Variants in SHANK1 observed in about 807,000 individuals in gnomAD.
The protein encoded by SHANK1 is SH3 and multiple ankyrin repeat domains protein 1.
SHANK1 carries 35 observed loss-of-function variants against 165.6 expected under a neutral mutation model. The observed-to-expected ratio is 0.21, with a 90% CI of 0.16 to 0.28. SHANK1 has a LOEUF of 0.28. Ranked by LOEUF, SHANK1 falls within the 10% of genes least tolerant of loss-of-function variation. SHANK1 has a pLI of 1.00. For missense variants in SHANK1, 2,681 were observed against 3,036.4 expected (o/e 0.88, Z 2.75); for synonymous variants, 1,428 against 1,384.8 (o/e 1.03, Z -0.69).
intron 21 of SHANK1, among the ~76,000 whole-genome samples, chr19:50,672,905 A>G (rs1018458137): frequency 1.3e-5 from 2 of 151,784 alleles, no homozygotes; most frequent in African/African-American, 2.4e-5. Context: ...CAAACTCCCA[A>G]CTCTGGTCTA....
chr19:50,679,166 T>G (rs1599848620), intron 21 of SHANK1, among the ~76,000 whole-genome samples: 2 of 66,680 alleles, frequency 3.0e-5, no homozygotes, highest in Admixed American at 2.1e-4. Context: ...AGGTAAGGGG[T>G]GAGGGTGATG....
chr19:50,672,421 G>A (rs974374559), intron 21 of SHANK1, among the ~76,000 whole-genome samples: 7 of 151,898 alleles, frequency 4.6e-5, no homozygotes, highest in Admixed American at 3.3e-4. Context: ...GGTGGCAGGC[G>A]CCTGTAATCC....
chr19:50,695,343 AGGCGGGC>A (rs1986702848), intron 15 of SHANK1, among the ~76,000 whole-genome samples: 1 of 137,962 alleles, frequency 7.2e-6, no homozygotes, highest in Non-Finnish European at 1.6e-5. Flanking sequence ...ACAGCTCCGG[AGGCGGGC>A]GGCGGGCGCG....
Position 50,686,851 on chromosome 19 carries a change from C to T in SHANK1, c.2390-39G>A, listed in dbSNP as rs1986357078. 1.2e-6 allele frequency: 2 copies of T among 1,604,766 alleles called. No homozygotes were observed. The highest frequency in any genetic ancestry group is 1.7e-6 in the Non-Finnish European group (2 of 1,174,328). On this transcript the variant is annotated intron_variant, in intron 19 of 23. Transcript: ENST00000293441. The surrounding 1 kb of genome is among the most constrained non-coding windows in gnomAD (Gnocchi z 5.7). ...ACACGGATGACGCCCAGGGAGCCCC[C>T]GGGGGCGGGGCGGAGCGGGCTCGGC...
chr19:50,711,541 T>C lies in SHANK1; in HGVS notation c.961-54A>G, dbSNP rs73598657. ...GATCAGACCCAGGCTGTTCTCCCTC[T>C]GGGCCAAGAGTCTGTCTATGACCTG... On this transcript the variant is annotated intron_variant, in intron 7 of 23. Transcript: ENST00000293441. The C allele has an allele frequency of 8.8e-3, 11,596 of 1,324,462 alleles. 830 individuals are homozygous for C. In the African/African-American group the frequency reaches 0.15, roughly 17 times the overall value. 82.0% of individuals were successfully genotyped at this position (1,324,462 alleles called of 1,614,324 possible).
Position 50,672,110 on chromosome 19 carries a change from C to G in SHANK1, c.2582G>C (p.Ser861Thr), listed in dbSNP as rs759260286. 3.1e-6 allele frequency: 5 copies of G among 1,613,110 alleles called. No homozygotes were observed. Among genetic ancestry groups the G allele is most frequent in the Non-Finnish European group, 4.2e-6 (5 of 1,179,654 alleles). Residue 861 changes from serine to threonine, a missense_variant, in exon 22 of 24, where the codon AGC (serine) becomes ACC (threonine). Physicochemically the swap from Ser to Thr is moderately conservative, Grantham distance 58. Around this residue, in one of 10 missense-constraint regions of SHANK1, gnomAD observed 206 missense variants for 216.0 expected, o/e 0.95. Transcript: ENST00000293441. Reference sequence around the variant, plus strand: ...CTGGGCACGGTGGTGGGGATCGAAGCTCGACTTTGGAGCGGCAGTCAGAGG... The same window carrying G: ...CTGGGCACGGTGGTGGGGATCGAAGGTCGACTTTGGAGCGGCAGTCAGAGG... ...RPKGFFATESSFDPHHRAQPS... is the reference protein window; with the variant it reads ...RPKGFFATESTFDPHHRAQPS...
intron 21 of SHANK1, among the ~76,000 whole-genome samples, chr19:50,685,509 AG>A: frequency 6.6e-6 from 1 of 152,288 alleles, no homozygotes; most frequent in South Asian, 2.1e-4. Context: ...AGATCACTTG[AG>A]GCCAGGAGTT....
chr19:50,666,414 G>T lies in SHANK1; in HGVS notation c.5546C>A (p.Pro1849Gln). Residue 1849 changes from proline (P) to glutamine (Q), a missense_variant, in exon 23 of 24, where the codon CCA (proline) becomes CAA (glutamine). Physicochemically the swap from Pro to Gln is moderately conservative, Grantham distance 76. Coordinates refer to ENST00000293441, the MANE Select transcript of SHANK1 (RefSeq NM_016148.5). ...CTGGGCCAAGGGCCCGGGCAGAGGTGGTGGCGGTGGGCCCGGGCCCTCCTC... is the reference window on the plus strand; with the variant it reads ...CTGGGCCAAGGGCCCGGGCAGAGGTTGTGGCGGTGGGCCCGGGCCCTCCTC... ...PWEEGPGPPP[P>Q]PLPGPLAQPQ... 6.2e-7 allele frequency: 1 copy of T among 1,611,984 alleles called. No homozygotes were observed. The highest frequency in any genetic ancestry group is 1.1e-5 in the South Asian group (1 of 90,952).
rs1362825399 is a variant in SHANK1, at chr19:50,688,967, C to T, written c.2049G>A (p.Ala683=). 7 of 1,544,176 alleles carry T rather than the reference C, an allele frequency of 4.5e-6. No individual in the cohort carries two copies. Among genetic ancestry groups the T allele is most frequent in the African/African-American group, 1.4e-5 (1 of 72,842 alleles). The stretch of plus-strand genomic sequence containing the variant: ...GGGTGAACTCCTCGATGGGGGTCTG[C>T]GCTGCAGACAGGGAGGAGCCGGCGG... ...GFGFVLRGAK[A]QTPIEEFTPT... The change falls in exon 17 of 24, where the codon GCG becomes GCA. Residue 683 remains alanine (A), a splice_region_variant and synonymous_variant. Transcript: ENST00000293441. The surrounding 1 kb of genome is among the most constrained non-coding windows in gnomAD (Gnocchi z 6.7).
At position 50,662,307 on chromosome 19, in the gene SHANK1, G is replaced by A; in HGVS notation, c.6144C>T (p.Asp2048=). The change falls in exon 24 of 24, where the codon GAC becomes GAT. Residue 2048 remains aspartate (D), a synonymous_variant. Coordinates refer to ENST00000293441, the MANE Select transcript of SHANK1 (RefSeq NM_016148.5). The surrounding 1 kb of genome is among the most constrained non-coding windows in gnomAD (Gnocchi z 7.7). ...SPTGGAGGSA[D]PFAPVFVPPH... is the part of the protein sequence containing the mutation. Reference sequence around the variant, plus strand: ...GCGGCACAAAGACTGGGGCGAAGGGGTCAGCCGAGCCTCCTGCCCCTCCAG... The same window carrying A: ...GCGGCACAAAGACTGGGGCGAAGGGATCAGCCGAGCCTCCTGCCCCTCCAG... The A allele has an allele frequency of 6.2e-7, 1 of 1,610,218 alleles. No homozygotes were observed. The highest frequency in any genetic ancestry group is 8.5e-7 in the Non-Finnish European group (1 of 1,177,802).
intron 12 of SHANK1, among the ~76,000 whole-genome samples, chr19:50,699,044 C>G (rs185976099): frequency 1.5e-4 from 23 of 152,340 alleles, no homozygotes; most frequent in Non-Finnish European, 2.2e-4. Flanking sequence ...ATGGCTCCAG[C>G]TATGCTAGGG....
chr19:50,660,118 T>TG lies in SHANK1; in HGVS notation c.*1846dup, dbSNP rs112388773. 7.0e-3 allele frequency among the ~76,000 whole-genome samples: 997 copies of TG among 141,958 alleles called. 8 individuals carry two copies. The highest frequency in any genetic ancestry group is 0.052 in the Middle Eastern group (14 of 270). 93.1% of individuals were successfully genotyped at this position (141,958 alleles called of 152,430 possible). ...AGCTCCCTTCTTTGGCAGCTGAACA[T>TG]GGGGGGGGGACCTGAGGGCAACGCC... On this transcript the variant is annotated 3_prime_UTR_variant, in exon 24 of 24. Coordinates refer to ENST00000293441, the MANE Select transcript of SHANK1 (RefSeq NM_016148.5).
intron 15 of SHANK1, among the ~76,000 whole-genome samples, chr19:50,693,927 G>T (rs1434037934): frequency 6.6e-6 from 1 of 152,024 alleles, no homozygotes; most frequent in Non-Finnish European, 1.5e-5. Context: ...CCTTGAAGTA[G>T]GGGCCTGTGG....
intron 21 of SHANK1, among the ~76,000 whole-genome samples, chr19:50,682,040 G>A (rs764269955): frequency 4.0e-5 from 6 of 150,472 alleles, no homozygotes; most frequent in Admixed American, 1.3e-4. Context: ...CACTGTACCT[G>A]GCCTATTTTC....
Position 50,688,806 on chromosome 19 carries a change from T to A in SHANK1, c.2172+38A>T. On this transcript the variant is annotated intron_variant, in intron 17 of 23. Transcript: ENST00000293441. This position sits in a 1 kb window ranked among gnomAD's most constrained non-coding sequence, Gnocchi z 6.7. ...AATCATGAGGGGGTCTGGGAACTTG[T>A]CACAGGGTCCCAGGGAAGAGAGGGG... 6.3e-7 allele frequency: 1 copy of A among 1,590,232 alleles called. No individual in the cohort carries two copies. The highest frequency in any genetic ancestry group is 8.6e-7 in the Non-Finnish European group (1 of 1,166,584).
At position 50,662,186 on chromosome 19, in the gene SHANK1, G is replaced by T; in HGVS notation, c.6265C>A (p.Pro2089Thr). Residue 2089 changes from proline (P) to threonine (T), a missense_variant, in exon 24 of 24, where the codon CCG becomes ACG. Transcript: ENST00000293441. The surrounding 1 kb of genome is among the most constrained non-coding windows in gnomAD (Gnocchi z 7.7). ...AACCCCAGAGGTTTAGCGCCAAACG[G>T]CTTGTCCGGGGGCAGCGAGAGCAGG... ...TRLLSLPPDK[P>T]FGAKPLGFWT... The T allele has an allele frequency of 6.2e-7, 1 of 1,610,122 alleles. No individual in the cohort carries two copies. The highest frequency in any genetic ancestry group is 8.5e-7 in the Non-Finnish European group (1 of 1,176,898).
intron 15 of SHANK1, among the ~76,000 whole-genome samples, chr19:50,691,065 G>A (rs144815326): frequency 2.0e-5 from 3 of 152,002 alleles, no homozygotes; most frequent in Admixed American, 1.3e-4. Flanking sequence ...CTCAAAGTTC[G>A]TAACAGTCCA....
At chr19:50,693,532 T>G (rs1986612170) in intron 15 of SHANK1, among the ~76,000 whole-genome samples, 1 of 151,806 alleles carries the variant, frequency 6.6e-6, no homozygotes, top group Admixed American at 6.6e-5. Context: ...TCTTGTTCAC[T>G]GGATCCCACA....
At position 50,716,585 on chromosome 19, in the gene SHANK1, G is replaced by A. The variant is rs2089072257; in HGVS notation, c.255+80C>T. The A allele has an allele frequency of 1.3e-6, 2 of 1,555,738 alleles. No individual in the cohort carries two copies. Among genetic ancestry groups the A allele is most frequent in the Admixed American group, 1.8e-5 (1 of 55,998 alleles). On this transcript the variant is annotated intron_variant, in intron 2 of 23. Coordinates refer to ENST00000293441, the MANE Select transcript of SHANK1 (RefSeq NM_016148.5). The surrounding 1 kb of genome is among the most constrained non-coding windows in gnomAD (Gnocchi z 8.4). ...TGAGTGTGGGGGTGATTCCTGGGAG[G>A]ATACCCAGCACCAGTGGACTCCCCA...
Sources: gnomAD v4.1 joint callset for allele counts (sites outside exome capture counted in the v4.1 genomes callset) on GRCh38, gnomAD v4.1.1 for gene constraint, gnomAD v4.1.1 regional missense constraint, Gnocchi (gnomAD v3.1) non-coding constraint, MANE v1.5 for transcripts, NCBI Gene and HGNC (gene_info 2026-07-23, HGNC 2026-07-21) for gene names.